The following ADGRL1 variants were observed in gnomAD, a reference collection of about 807,000 sequenced individuals.
ADGRL1 encodes adhesion G protein-coupled receptor L1.
A neutral mutation model predicts 148.9 loss-of-function variants in ADGRL1; 31 were observed. The ratio of observed to expected loss-of-function variants is 0.21; its 90% CI spans 0.16 to 0.28. The LOEUF is 0.28. Ranked by LOEUF, ADGRL1 falls within the 10% of genes least tolerant of loss-of-function variation. The pLI is 1.00. For synonymous variants in ADGRL1, 937 were observed against 900.3 expected (o/e 1.04, Z -0.73); for missense variants, 1,521 against 2,058.8 (o/e 0.74, Z 5.05).
rs559554505 is a variant in ADGRL1 at position 14,155,549 on chromosome 19, A to G, written c.3126-22T>C. 6.2e-7 allele frequency: 1 copy of G among 1,612,110 alleles called. No individual in the cohort carries two copies. Among genetic ancestry groups the G allele is most frequent in the South Asian group, 1.1e-5 (1 of 91,022 alleles). On this transcript the variant is annotated intron_variant, in intron 17 of 22. Coordinates refer to ENST00000361434, the MANE Select transcript of ADGRL1 (RefSeq NM_014921.5). This position sits in a 1 kb window ranked among gnomAD's most constrained non-coding sequence, Gnocchi z 5.0. ...GGATCTGGGAGTGGGGCGACAGGGG[A>G]GTCAAAGTACCCGCCGGAGGGGACG...
rs1389446334 is a variant in ADGRL1, at chr19:14,162,192, C to T, written c.1195+414G>A. On this transcript the variant is annotated intron_variant, in intron 5 of 22. Coordinates refer to ENST00000361434, the MANE Select transcript of ADGRL1 (RefSeq NM_014921.5). This position sits in a 1 kb window ranked among gnomAD's most constrained non-coding sequence, Gnocchi z 5.4. ...AGAAGACTGCAGAGTTGCCCTCAGC[C>T]CGGTCAGCATCAGCAGCTCAGCTCT... Among the ~76,000 whole-genome samples the T allele has an allele frequency of 6.6e-6, 1 of 152,152 alleles. No homozygotes were observed. Among genetic ancestry groups the T allele is most frequent in the African/African-American group, 2.4e-5 (1 of 41,426 alleles).
At chr19:14,172,259 T>C (rs991601286) in intron 3 of ADGRL1, among the ~76,000 whole-genome samples, 5 of 152,076 alleles carry the variant, frequency 3.3e-5, no homozygotes, top group Non-Finnish European at 7.4e-5. Flanking sequence ...CTGTCTCTAC[T>C]AAAAATACAA....
chr19:14,204,303 C>T (rs140328291), intron 1 of ADGRL1, among the ~76,000 whole-genome samples: 3 of 152,052 alleles, frequency 2.0e-5, no homozygotes, highest in Admixed American at 2.0e-4. Flanking sequence ...CACCTGCCCC[C>T]CAAAGCTGGG....
At chr19:14,167,893 G>A (rs1488455455) in intron 4 of ADGRL1, among the ~76,000 whole-genome samples, 1 of 151,862 alleles carries the variant, frequency 6.6e-6, no homozygotes, top group Non-Finnish European at 1.5e-5. Context: ...GGGGGCCCAG[G>A]AGCTGGGAGC....
Position 14,199,624 on chromosome 19 carries a change from G to A in ADGRL1, c.-96+6361C>T, listed in dbSNP as rs868651171. ...ATTTTTTTGTAGAAATGGGGGCCTC[G>A]TTATGTTTCCCAGGCTGGTCTCAAA... On this transcript the variant is annotated intron_variant, in intron 1 of 22. Transcript: ENST00000361434. Among the ~76,000 whole-genome samples the A allele has an allele frequency of 1.7e-4, 26 of 152,180 alleles. 1 individual carries two copies. In the Middle Eastern group the frequency reaches 0.01, roughly 60 times the overall value.
chr19:14,181,047 C>T (rs1480963374), intron 2 of ADGRL1, among the ~76,000 whole-genome samples: 2 of 151,130 alleles, frequency 1.3e-5, no homozygotes, highest in African/African-American at 4.9e-5. Flanking sequence ...GACTCCATCT[C>T]GAAAAAATAA....
Position 14,161,163 on chromosome 19 carries a change from C to T in ADGRL1, c.1510+149G>A. 1 of 802,216 alleles carries T rather than the reference C, an allele frequency of 1.2e-6. No individual in the cohort carries two copies. Among genetic ancestry groups the T allele is most frequent in the Non-Finnish European group, 1.9e-6 (1 of 537,990 alleles). The allele number at this position is 802,216 out of a possible 1,614,324, so 49.7% of individuals were successfully genotyped here. On this transcript the variant is annotated intron_variant, in intron 6 of 22. Transcript: ENST00000361434. The surrounding 1 kb of genome is among the most constrained non-coding windows in gnomAD (Gnocchi z 4.4). Reference sequence around the variant, plus strand: ...CCAGGGGCACTGAGTGGCTCCTGTGCCCTGAGAGCTCTGCTGGTCACTGGG... The same window carrying T: ...CCAGGGGCACTGAGTGGCTCCTGTGTCCTGAGAGCTCTGCTGGTCACTGGG...
intron 1 of ADGRL1, among the ~76,000 whole-genome samples, chr19:14,194,890 T>C (rs1164495374): frequency 2.6e-5 from 4 of 151,420 alleles, no homozygotes; most frequent in African/African-American, 9.7e-5. Context: ...CTTTTTTTTT[T>C]TTTTCCTTTG....
In ADGRL1 at chr19:14,163,255, C is replaced by T; in HGVS notation, c.546G>A (p.Leu182=). The T allele has an allele frequency of 6.2e-7, 1 of 1,613,774 alleles. No individual in the cohort carries two copies. The highest frequency in any genetic ancestry group is 8.5e-7 in the Non-Finnish European group (1 of 1,180,038). ...AGTCCTCCCACGAGGCATACTCAGT[C>T]AGTGTGTCCGTGCGGTAGGGGATCC... ...MPWIPYRTDT[L]TEYASWEDYV... is the part of the protein sequence containing the mutation. The change falls in exon 5 of 23, where the codon CTG becomes CTA. Residue 182 remains leucine (L), a synonymous_variant. Coordinates refer to ENST00000361434, the MANE Select transcript of ADGRL1 (RefSeq NM_014921.5).
At chr19:14,176,408 G>A (rs1314837032) in intron 3 of ADGRL1, among the ~76,000 whole-genome samples, 1 of 152,102 alleles carries the variant, frequency 6.6e-6, no homozygotes, top group Non-Finnish European at 1.5e-5. Context: ...ATAGATGCAT[G>A]CAATCACACA....
At chr19:14,185,744 G>T (rs1443527807) in intron 1 of ADGRL1, among the ~76,000 whole-genome samples, 1 of 152,184 alleles carries the variant, frequency 6.6e-6, no homozygotes, top group African/African-American at 2.4e-5. Context: ...TGTCCAGCCT[G>T]GAATCTCTCA....
At chr19:14,196,277 G>T (rs576863914) in intron 1 of ADGRL1, among the ~76,000 whole-genome samples, 16 of 152,284 alleles carry the variant, frequency 1.1e-4, no homozygotes, top group African/African-American at 3.6e-4. Context: ...AGAACCCTCC[G>T]TGGCTCCCAC....
At chr19:14,156,458 C>CA (rs1968758290) in intron 16 of ADGRL1, among the ~76,000 whole-genome samples, 200 bp downstream of exon 16, 1 of 151,920 alleles carries the variant, frequency 6.6e-6, no homozygotes, top group Admixed American at 6.6e-5. Flanking sequence ...CACAGCCCCC[C>CA]AGGCGAGCAG....
At chr19:14,174,955 C>A (rs1244464254) in intron 3 of ADGRL1, among the ~76,000 whole-genome samples, 2 of 151,448 alleles carry the variant, frequency 1.3e-5, no homozygotes, top group East Asian at 3.9e-4. Flanking sequence ...GATCCTCCTG[C>A]ATCGGTCATC....
At chr19:14,183,483 C>T (rs1012057196) in intron 2 of ADGRL1, 50 bp downstream of exon 2, 2 of 1,509,558 alleles carry the variant, frequency 1.3e-6, no homozygotes, top group South Asian at 1.2e-5. Context: ...TCTGCCCCCC[C>T]CAGAAGGGTT....
chr19:14,184,992 A>G (rs1392203565), intron 1 of ADGRL1, among the ~76,000 whole-genome samples: 1 of 152,120 alleles, frequency 6.6e-6, no homozygotes, highest in Non-Finnish European at 1.5e-5. Flanking sequence ...TATGTTGCCC[A>G]GACTGATCTC....
At position 14,152,179 on chromosome 19, in the gene ADGRL1, G is replaced by GA; in HGVS notation, c.3650-30dup. On this transcript the variant is annotated intron_variant, in intron 21 of 22. Coordinates refer to ENST00000361434, the MANE Select transcript of ADGRL1 (RefSeq NM_014921.5). The surrounding 1 kb of genome is among the most constrained non-coding windows in gnomAD (Gnocchi z 6.1). ...CAGGTGGCAGCCAGAAGAGAGAAGAGAAAAGGCAAGGATGAGCTCGAAATG... is the reference window on the plus strand; with the variant it reads ...CAGGTGGCAGCCAGAAGAGAGAAGAGAAAAAGGCAAGGATGAGCTCGAAATG... The GA allele has an allele frequency of 6.2e-7, 1 of 1,614,150 alleles. No homozygotes were observed. The highest frequency in any genetic ancestry group is 8.5e-7 in the Non-Finnish European group (1 of 1,180,016).
rs1444692612 is a variant in ADGRL1, at chr19:14,157,665, G to GT, written c.2536-206dup. Among the ~76,000 whole-genome samples the GT allele has an allele frequency of 1.3e-5, 2 of 152,242 alleles. No individual in the cohort carries two copies. Among genetic ancestry groups the GT allele is most frequent in the Non-Finnish European group, 2.9e-5 (2 of 68,036 alleles). ...GAAGGCTTGTGGAGAGATGACCAACGTAACACCAACTTGCTTCTCCAGAGT... is the reference window on the plus strand; with the variant it reads ...GAAGGCTTGTGGAGAGATGACCAACGTTAACACCAACTTGCTTCTCCAGAGT... On this transcript the variant is annotated intron_variant, in intron 13 of 22. Transcript: ENST00000361434. This position sits in a 1 kb window ranked among gnomAD's most constrained non-coding sequence, Gnocchi z 7.5.
At chr19:14,197,387 C>G (rs1395533524) in intron 1 of ADGRL1, among the ~76,000 whole-genome samples, 2 of 152,070 alleles carry the variant, frequency 1.3e-5, no homozygotes, top group East Asian at 3.8e-4. Context: ...CCTCATCTCC[C>G]CATCTATCTG....
Sources: allele counts gnomAD v4.1 joint callset (sites outside exome capture counted in the v4.1 genomes callset), GRCh38; gene constraint gnomAD v4.1.1; non-coding constraint Gnocchi (gnomAD v3.1); transcripts MANE v1.5; gene names NCBI Gene and HGNC (gene_info 2026-07-23, HGNC 2026-07-21).